LRIG1: variants seen among roughly 807,000 people sequenced by gnomAD.
LRIG1 encodes leucine-rich repeats and immunoglobulin-like domains protein 1.
Under a neutral mutation model 99.2 loss-of-function variants are expected in LRIG1, and 48 were observed. The observed-to-expected ratio is 0.48, with a 90% CI of 0.38 to 0.62. The LOEUF (loss-of-function observed/expected upper bound fraction) is 0.62. Ranked by LOEUF, LRIG1 falls within the 20% of genes least tolerant of loss-of-function variation. The probability of loss-of-function intolerance (pLI) is 0.00; values close to 1 mark genes in which losing one functional copy is unlikely to be tolerated. For synonymous variants in LRIG1, 772 were observed against 596.1 expected, an observed-to-expected ratio of 1.29 and a Z score of -4.30; for missense variants, 1,646 against 1,434.4, an observed-to-expected ratio of 1.15 and a Z score of -2.38.
rs1700896946 is a variant in LRIG1, at chr3:66,379,405, C to T, written c.*858G>A. The T allele has an allele frequency of 6.6e-6, 1 of 152,154 alleles. No individual in the cohort carries two copies. The highest frequency in any genetic ancestry group is 1.5e-5 in the Non-Finnish European group (1 of 68,032). The allele number at this position is 152,154 out of a possible 1,614,324, so 9.4% of individuals were successfully genotyped here. A position where few individuals can be genotyped will look rare whatever the true frequency, so the allele number is the denominator to read the frequency against. ...ACGAAAACATCAGTATAGAAAAATC[C>T]ACAGGTACCAACACCAGCAGCCTTT... On this transcript the variant is annotated 3_prime_UTR_variant, in exon 19 of 19. Transcript: ENST00000273261.
chr3:66,410,348 C>T lies in LRIG1; in HGVS notation c.792-76G>A, dbSNP rs555199969. The T allele has an allele frequency of 1.5e-3, 2,147 of 1,418,914 alleles. 3 individuals are homozygous for T. The highest frequency in any genetic ancestry group is 2.0e-3 in the Non-Finnish European group (2,056 of 1,035,044). 87.9% of individuals were successfully genotyped at this position (1,418,914 alleles called of 1,614,324 possible). ...TGGACAGACAGCAAATGAGCAGCCA[C>T]GCTGTACCTGACACTGCGGTCACAC... On this transcript the variant is annotated intron_variant, in intron 6 of 18. Coordinates refer to ENST00000273261, the MANE Select transcript of LRIG1 (RefSeq NM_015541.3).
rs751262490 is a variant in LRIG1 at position 66,500,326 on chromosome 3, G to T, written c.82C>A (p.Leu28Met). The change falls in exon 1 of 19, where the codon CTG becomes ATG. Residue 28 changes from leucine (L) to methionine (M), a missense_variant. Transcript: ENST00000273261. ...LLLLWLLLLR[L>M]EPVTAAAGPR... The stretch of plus-strand genomic sequence containing the variant: ...CCGGCCGCGGCGGTCACCGGCTCCA[G>T]CCGAAGCAAAAGCAGCCAGAGAAGG... The T allele has an allele frequency of 1.1e-5, 17 of 1,494,218 alleles. No homozygotes were observed. In the African/African-American group the frequency reaches 1.9e-4, roughly 16 times the overall value. The allele number at this position is 1,494,218 out of a possible 1,614,324, so 92.6% of individuals were successfully genotyped here. A position where few individuals can be genotyped will look rare whatever the true frequency, so the allele number is the denominator to read the frequency against.
intron 3 of LRIG1, among the ~76,000 whole-genome samples, chr3:66,434,591 A>G (rs1559797623): frequency 6.6e-6 from 1 of 152,008 alleles, no homozygotes. Context: ...TACTAAAAAT[A>G]CAAAAATTAG....
rs373678619 is a variant in LRIG1, at chr3:66,405,215, G to A, written c.1143C>T (p.Leu381=). ...ATACTCACAGCTTGCTGAGGCTGTC[G>A]AGCCCTGAGAAGGCGCCGCTCGTGT... ...IEDTSGAFSG[L]DSLSKLTLFG... Residue 381 remains leucine (L), a synonymous_variant, in exon 9 of 19, where the codon CTC becomes CTT. Coordinates refer to ENST00000273261, the MANE Select transcript of LRIG1 (RefSeq NM_015541.3). The A allele has an allele frequency of 6.8e-6, 11 of 1,614,134 alleles. No individual in the cohort carries two copies. The highest frequency in any genetic ancestry group is 2.2e-5 in the East Asian group (1 of 44,884).
At chr3:66,474,534 C>T (rs1488054493) in intron 1 of LRIG1, among the ~76,000 whole-genome samples, 2 of 151,974 alleles carry the variant, frequency 1.3e-5, no homozygotes, top group African/African-American at 4.8e-5. Flanking sequence ...TTAGTAGAAA[C>T]GGGGTTTCAC....
intron 13 of LRIG1, 34 bp from the exon 14 acceptor site, chr3:66,384,306 G>T: frequency 6.3e-7 from 1 of 1,587,730 alleles, no homozygotes; most frequent in Non-Finnish European, 8.6e-7. Context: ...TCGGGTTACG[G>T]GACAGCTAGA....
chr3:66,434,326 A>G (rs1427573459), intron 3 of LRIG1, among the ~76,000 whole-genome samples: 2 of 152,254 alleles, frequency 1.3e-5, no homozygotes, highest in African/African-American at 4.8e-5. Flanking sequence ...ATTTTACCAA[A>G]AAGAATCTAC....
At chr3:66,409,115 C>T (rs192124717) in intron 7 of LRIG1, among the ~76,000 whole-genome samples, 2 of 152,172 alleles carry the variant, frequency 1.3e-5, no homozygotes, top group African/African-American at 4.8e-5. Context: ...ACAGGACAGA[C>T]TGAGGCTTGG....
chr3:66,380,121 A>C lies in LRIG1; in HGVS notation c.*142T>G. ...CTTGCGTTTACTGTGCTTCAGATCCAAGTCCTGTGAGCGACTGATACTCCA... is the reference window on the plus strand; with the variant it reads ...CTTGCGTTTACTGTGCTTCAGATCCCAGTCCTGTGAGCGACTGATACTCCA... On this transcript the variant is annotated 3_prime_UTR_variant, in exon 19 of 19. Transcript: ENST00000273261. 1 of 658,068 alleles carries C rather than the reference A, an allele frequency of 1.5e-6. No individual in the cohort carries two copies. 40.8% of individuals were successfully genotyped at this position (658,068 alleles called of 1,614,324 possible). A position where few individuals can be genotyped will look rare whatever the true frequency, so the allele number is the denominator to read the frequency against.
intron 9 of LRIG1, chr3:66,401,739 C>A: frequency 8.2e-7 from 1 of 1,224,440 alleles, no homozygotes; most frequent in South Asian, 1.5e-5. Flanking sequence ...ATTTCTGTAC[C>A]ACAGCCGGGC....
rs1402276219 is a variant in LRIG1 at position 66,379,057 on chromosome 3, A to G, written c.*1206T>C. ...CTTTTGAACAGTGATGACACCTGAC[A>G]GTAATTGTTAACTATTTTCTCAGTA... is the stretch of plus-strand genomic sequence containing the variant. On this transcript the variant is annotated 3_prime_UTR_variant, in exon 19 of 19. Coordinates refer to ENST00000273261, the MANE Select transcript of LRIG1 (RefSeq NM_015541.3). 6.5e-6 allele frequency: 1 copy of G among 152,688 alleles called. No homozygotes were observed. The highest frequency in any genetic ancestry group is 1.9e-4 in the East Asian group (1 of 5,202). 9.5% of individuals were successfully genotyped at this position (152,688 alleles called of 1,614,324 possible). A position where few individuals can be genotyped will look rare whatever the true frequency, so the allele number is the denominator to read the frequency against.
chr3:66,383,948 TCA>T (rs3830215), intron 14 of LRIG1, 41 bp downstream of exon 14: 20,038 of 1,387,036 alleles, frequency 0.014, no homozygotes, highest in South Asian at 0.02. Context: ...TCTCTCTCGC[TCA>T]CACACACACA....
intron 3 of LRIG1, among the ~76,000 whole-genome samples, chr3:66,439,570 T>TC (rs1703473664): frequency 6.9e-6 from 1 of 145,686 alleles, no homozygotes; most frequent in Admixed American, 7.1e-5. Flanking sequence ...ACTTTTTTTT[T>TC]TTTTTAAAAA....
At chr3:66,479,496 G>A (rs953460986) in intron 1 of LRIG1, among the ~76,000 whole-genome samples, 3 of 152,098 alleles carry the variant, frequency 2.0e-5, no homozygotes, top group South Asian at 2.1e-4. Context: ...AACTCTTCTC[G>A]CCTGAGGAAG....
At chr3:66,457,482 A>G (rs938016999) in intron 2 of LRIG1, among the ~76,000 whole-genome samples, 3 of 152,188 alleles carry the variant, frequency 2.0e-5, no homozygotes, top group Admixed American at 1.3e-4. Flanking sequence ...GTCAGCCTGC[A>G]AAGATTCATT....
intron 3 of LRIG1, among the ~76,000 whole-genome samples, chr3:66,444,300 G>C (rs147127798): frequency 6.6e-6 from 1 of 152,184 alleles, no homozygotes; most frequent in African/African-American, 2.4e-5. Flanking sequence ...AAGCAAATAT[G>C]TAACAGTCAT....
At chr3:66,478,882 G>T (rs1700784423) in intron 1 of LRIG1, among the ~76,000 whole-genome samples, 1 of 152,172 alleles carries the variant, frequency 6.6e-6, no homozygotes, top group African/African-American at 2.4e-5. Flanking sequence ...GGCCTGCAGA[G>T]ATTTAGTACT....
intron 3 of LRIG1, among the ~76,000 whole-genome samples, chr3:66,441,443 A>G (rs1421825793): frequency 6.6e-6 from 1 of 152,188 alleles, no homozygotes; most frequent in African/African-American, 2.4e-5. Flanking sequence ...GATGGCCGGC[A>G]TAATCAGCTC....
At chr3:66,380,942 C>T in intron 17 of LRIG1, 81 bp from the exon 18 acceptor site, 1 of 1,455,546 alleles carries the variant, frequency 6.9e-7, no homozygotes, top group Admixed American at 1.8e-5. Flanking sequence ...CTGCTCAGCT[C>T]CACTGTGCAA....
Sources: allele counts gnomAD v4.1 joint callset (sites outside exome capture counted in the v4.1 genomes callset), GRCh38; gene constraint gnomAD v4.1.1; transcripts MANE v1.5; gene names NCBI Gene and HGNC (gene_info 2026-07-23, HGNC 2026-07-21).